Variants in IGSF21 observed in about 807,000 individuals in gnomAD.
IGSF21 encodes the protein immunoglobin superfamily member 21.
IGSF21 carries 28 observed loss-of-function variants against 46.8 expected under a neutral mutation model. That is an observed-to-expected ratio of 0.60 (90% CI 0.44 to 0.82). IGSF21 has a LOEUF of 0.82. IGSF21 is among the 40% of genes least tolerant of loss of function. The probability of loss-of-function intolerance (pLI) is 0.00; values close to 1 mark genes in which losing one functional copy is unlikely to be tolerated. For missense variants in IGSF21, 624 were observed against 665.5 expected, an observed-to-expected ratio of 0.94 and a Z score of 0.69; for synonymous variants, 284 against 273.6, an observed-to-expected ratio of 1.04 and a Z score of -0.38.
intron 2 of IGSF21, among the ~76,000 whole-genome samples, chr1:18,265,963 G>A (rs780242456): frequency 3.9e-4 from 59 of 152,298 alleles, no homozygotes; most frequent in Non-Finnish European, 8.8e-5. Context: ...CACTGAGGGA[G>A]AGGCTTTTAG....
chr1:18,168,010 A>T (rs1336351080), intron 1 of IGSF21, among the ~76,000 whole-genome samples: 2 of 151,900 alleles, frequency 1.3e-5, no homozygotes, highest in East Asian at 3.9e-4. Flanking sequence ...TAATGACCAC[A>T]TTCATGGAAG....
intron 3 of IGSF21, among the ~76,000 whole-genome samples, chr1:18,328,296 T>C (rs190157866): frequency 3.9e-4 from 60 of 152,348 alleles, no homozygotes; most frequent in African/African-American, 1.3e-3. Flanking sequence ...TTCATTAGCC[T>C]ACACTCGGGC....
chr1:18,226,335 T>A (rs2084566131), intron 1 of IGSF21, among the ~76,000 whole-genome samples: 1 of 152,162 alleles, frequency 6.6e-6, no homozygotes, highest in African/African-American at 2.4e-5. Flanking sequence ...GAGCAATGCC[T>A]GGGTCTCTGC....
chr1:18,191,890 T>G (rs1371345877), intron 1 of IGSF21, among the ~76,000 whole-genome samples: 3 of 151,976 alleles, frequency 2.0e-5, no homozygotes, highest in Non-Finnish European at 4.4e-5. Context: ...CCGGGATGGG[T>G]GGGGCAAGGG....
At chr1:18,283,399 T>G (rs1422662480) in intron 2 of IGSF21, among the ~76,000 whole-genome samples, 3 of 152,046 alleles carry the variant, frequency 2.0e-5, no homozygotes, top group Non-Finnish European at 4.4e-5. Flanking sequence ...TGGTATCCTC[T>G]TCCCCCAGGC....
intron 1 of IGSF21, among the ~76,000 whole-genome samples, chr1:18,226,236 G>C (rs759108909): frequency 6.6e-6 from 1 of 152,106 alleles, no homozygotes; most frequent in Admixed American, 6.5e-5. Flanking sequence ...ACAGGCCCCC[G>C]TCCGCCTACC....
At chr1:18,338,937 AT>A (rs2085800209) in intron 4 of IGSF21, among the ~76,000 whole-genome samples, 1 of 152,058 alleles carries the variant, frequency 6.6e-6, no homozygotes, top group South Asian at 2.1e-4. Flanking sequence ...GTTACAATCA[AT>A]TAGATGTTGT....
intron 2 of IGSF21, among the ~76,000 whole-genome samples, chr1:18,274,376 A>T (rs1265853596): frequency 6.6e-6 from 1 of 152,236 alleles, no homozygotes; most frequent in African/African-American, 2.4e-5. Flanking sequence ...TCCTGGAGAG[A>T]TTAGGAAAAG....
chr1:18,322,463 CT>C lies in IGSF21; in HGVS notation c.306-12428del, dbSNP rs2085612792. On this transcript the variant is annotated intron_variant, in intron 3 of 9. Transcript: ENST00000251296. This position sits in a 1 kb window ranked among gnomAD's most constrained non-coding sequence, Gnocchi z 4.3. The stretch of plus-strand genomic sequence containing the variant: ...AGTAGAGAGGCAGAGGCAGAGATTC[CT>C]GTTAAATAAAGCAATCACGAACGAT... Among the ~76,000 whole-genome samples, 1 of 150,370 alleles carries C rather than the reference CT, an allele frequency of 6.7e-6. No individual in the cohort carries two copies. Among genetic ancestry groups the C allele is most frequent in the Admixed American group, 6.6e-5 (1 of 15,082 alleles).
intron 2 of IGSF21, among the ~76,000 whole-genome samples, chr1:18,249,619 G>A (rs2084817762): frequency 1.3e-5 from 2 of 152,192 alleles, no homozygotes; most frequent in Admixed American, 6.5e-5. Flanking sequence ...CCCCCGTGGT[G>A]TCTCTCACCC....
intron 1 of IGSF21, among the ~76,000 whole-genome samples, chr1:18,178,252 C>T (rs114094196): frequency 7.9e-4 from 121 of 152,282 alleles, no homozygotes; most frequent in African/African-American, 2.8e-3. Context: ...CAGATATTCT[C>T]GTTATCCCCT....
At chr1:18,185,704 C>T (rs1055964683) in intron 1 of IGSF21, among the ~76,000 whole-genome samples, 22 of 152,326 alleles carry the variant, frequency 1.4e-4, no homozygotes, top group Admixed American at 7.8e-4. Context: ...CCTCTCCGTG[C>T]CTCAGTTTCC....
chr1:18,175,687 C>T (rs12039774), intron 1 of IGSF21, among the ~76,000 whole-genome samples: 6 of 152,048 alleles, frequency 3.9e-5, no homozygotes, highest in Admixed American at 6.5e-5. Flanking sequence ...TTCCTTCCCA[C>T]GAGGACTCTC....
At chr1:18,312,405 G>A (rs1353811324) in intron 3 of IGSF21, among the ~76,000 whole-genome samples, 2 of 152,128 alleles carry the variant, frequency 1.3e-5, no homozygotes, top group Non-Finnish European at 1.5e-5. Flanking sequence ...GTAGCAAATC[G>A]CCACCAACTT....
chr1:18,151,447 G>A (rs2086521567), intron 1 of IGSF21, among the ~76,000 whole-genome samples: 1 of 152,170 alleles, frequency 6.6e-6, no homozygotes, highest in Non-Finnish European at 1.5e-5. Flanking sequence ...AGAGTGAAGA[G>A]AAAGATCACA....
chr1:18,299,777 C>T (rs184742343), intron 3 of IGSF21, among the ~76,000 whole-genome samples: 46 of 152,306 alleles, frequency 3.0e-4, no homozygotes, highest in African/African-American at 1.1e-3. Flanking sequence ...TTGTTTTTAA[C>T]AGATTATGCC....
At chr1:18,209,964 G>A (rs777272836) in intron 1 of IGSF21, among the ~76,000 whole-genome samples, 28 of 151,664 alleles carry the variant, frequency 1.8e-4, no homozygotes, top group Non-Finnish European at 2.5e-4. Flanking sequence ...ACCCCACCCC[G>A]GCCCACTTGC....
At chr1:18,162,057 G>C (rs1255258274) in intron 1 of IGSF21, among the ~76,000 whole-genome samples, 2 of 150,758 alleles carry the variant, frequency 1.3e-5, no homozygotes, top group East Asian at 3.9e-4. Context: ...TTCTTTTTTT[G>C]AGACAGGGTG....
chr1:18,282,190 G>A (rs2085167422), intron 2 of IGSF21, among the ~76,000 whole-genome samples: 2 of 148,712 alleles, frequency 1.3e-5, no homozygotes, highest in South Asian at 4.2e-4. Flanking sequence ...TGTGTATCCG[G>A]TTGTGGTTCC....
Sources: allele counts gnomAD v4.1 joint callset (sites outside exome capture counted in the v4.1 genomes callset), GRCh38; gene constraint gnomAD v4.1.1; non-coding constraint Gnocchi (gnomAD v3.1); transcripts MANE v1.5; gene names NCBI Gene and HGNC (gene_info 2026-07-23, HGNC 2026-07-21).